TET2: variants seen among roughly 807,000 people sequenced by gnomAD.
TET2 encodes methylcytosine dioxygenase TET2.
TET2 carries 299 observed loss-of-function variants against 142.9 expected under a neutral mutation model. The observed-to-expected ratio is 2.09, with a 90% confidence interval of 1.90 to 2.30. The LOEUF is 2.30. Among genes scored for constraint, TET2 ranks in the 30% most tolerant of loss-of-function variants. TET2 has a pLI of 0.00. For synonymous variants in TET2, 819 were observed against 849.0 expected (o/e 0.96, Z 0.61); for missense variants, 2,418 against 2,378.0 (o/e 1.02, Z -0.35).
At chr4:105,272,496 TACAC>T (rs149641287) in intron 9 of TET2, 64 bp from the exon 10 acceptor site, 42 of 1,014,702 alleles carry the variant, frequency 4.1e-5, no homozygotes, top group Non-Finnish European at 5.8e-5. Context: ...AGGAGAAAGA[TACAC>T]ACACACACAC....
intron 3 of TET2, chr4:105,240,473 T>C (rs1447513864): frequency 9.3e-7 from 1 of 1,076,730 alleles, no homozygotes; most frequent in Non-Finnish European, 1.1e-6. Flanking sequence ...TCAAAGACAT[T>C]TGAAAAGACA....
At chr4:105,268,596 A>C (rs965900935) in intron 8 of TET2, among the ~76,000 whole-genome samples, 5 of 152,224 alleles carry the variant, frequency 3.3e-5, no homozygotes, top group Non-Finnish European at 5.9e-5. Flanking sequence ...ATAATATTTT[A>C]AAATAAGGGC....
At chr4:105,255,450 A>G (rs73838065) in intron 6 of TET2, among the ~76,000 whole-genome samples, 3,605 of 152,308 alleles carry the variant, frequency 0.024, 153 homozygotes, top group African/African-American at 0.083. Context: ...AAGAATGTGT[A>G]TATTCAGCTG....
rs988010895 is a variant in TET2 at position 105,275,687 on chromosome 4, C to T, written c.5177C>T (p.Thr1726Ile). The change falls in exon 11 of 11, where the codon ACT becomes ATT. Residue 1726 changes from threonine (T) to isoleucine (I), a missense_variant. Physicochemically the swap from Thr to Ile is moderately conservative, Grantham distance 89. Coordinates refer to ENST00000380013, the MANE Select transcript of TET2 (RefSeq NM_001127208.3). ...HHVGKLPPYPTHEMDGHFMGA... is the reference protein window; with the variant it reads ...HHVGKLPPYPIHEMDGHFMGA... The stretch of plus-strand genomic sequence containing the variant: ...GTAGGGAAATTGCCTCCTTATCCCA[C>T]TCATGAGATGGATGGCCACTTCATG... The T allele has an allele frequency of 1.3e-6, 2 of 1,551,874 alleles. No individual in the cohort carries two copies. Among genetic ancestry groups the T allele is most frequent in the Non-Finnish European group, 1.7e-6 (2 of 1,146,994 alleles).
Position 105,272,833 on chromosome 4 carries a change from C to T in TET2, c.4452C>T (p.Asn1484=). 1.3e-6 allele frequency: 2 copies of T among 1,551,456 alleles called. No individual in the cohort carries two copies. The highest frequency in any genetic ancestry group is 8.7e-7 in the Non-Finnish European group (1 of 1,146,922). The change falls in exon 10 of 11, where the codon AAC becomes AAT. Residue 1484 remains asparagine (N), a synonymous_variant. Transcript: ENST00000380013. ...AAAEKLSSLE[N]SSNKNEKEKS... ...CTGAAAAGCTTTCCTCCCTGGAGAA[C>T]AGCTCAAATAAAAATGAAAAGGAAA...
At chr4:105,212,155 G>A (rs945256471) in intron 2 of TET2, among the ~76,000 whole-genome samples, 3 of 152,174 alleles carry the variant, frequency 2.0e-5, no homozygotes, top group African/African-American at 7.2e-5. Context: ...CCTGAAACAT[G>A]AGAAATTCCA....
Position 105,234,582 on chromosome 4 carries a change from T to G in TET2, c.640T>G (p.Ser214Ala). The change falls in exon 3 of 11, where the codon TCT becomes GCT. Residue 214 changes from serine to alanine, a missense_variant. By Grantham distance (99) the Ser-to-Ala change is moderately conservative. Transcript: ENST00000380013. ...GCTAATGCCTAATGGTGCTACAGTT[T>G]CTGCCTCTTCCGTGGAACACACACA... ...AVLMPNGATVSASSVEHTHGE... is the reference protein window; with the variant it reads ...AVLMPNGATVAASSVEHTHGE... 6.2e-7 allele frequency: 1 copy of G among 1,614,172 alleles called. No homozygotes were observed. Among genetic ancestry groups the G allele is most frequent in the Non-Finnish European group, 8.5e-7 (1 of 1,180,020 alleles).
At chr4:105,269,512 CA>C (rs780983635) in intron 8 of TET2, 97 bp from the exon 9 acceptor site, 32 of 1,306,268 alleles carry the variant, frequency 2.4e-5, no homozygotes, top group Non-Finnish European at 3.2e-5. Context: ...AAGTTCAAAA[CA>C]TTTTTTTAAA....
rs952141389 is a variant in TET2 at position 105,235,955 on chromosome 4, T to A, written c.2013T>A (p.Ala671=). ...HFSKTDHLPK[A]HVQSLCGTRF... ...CCAAAACAGACCATTTACCAAAAGC[T>A]CATGTGCAGTCACTGTGTGGCACTA... The change falls in exon 3 of 11, where the codon GCT becomes GCA. Residue 671 remains alanine (A), a synonymous_variant. Coordinates refer to ENST00000380013, the MANE Select transcript of TET2 (RefSeq NM_001127208.3). The A allele has an allele frequency of 2.5e-6, 4 of 1,613,996 alleles. No individual in the cohort carries two copies. The Admixed American group carries it at 6.7e-5, about 27-fold the overall frequency.
At chr4:105,199,673 C>G (rs1330887789) in intron 2 of TET2, among the ~76,000 whole-genome samples, 2 of 152,088 alleles carry the variant, frequency 1.3e-5, no homozygotes, top group Non-Finnish European at 2.9e-5. Context: ...AGTTATTTTT[C>G]CTGATCCTCT....
Position 105,276,061 on chromosome 4 carries a change from G to A in TET2, c.5551G>A (p.Glu1851Lys), listed in dbSNP as rs1479422628. The change falls in exon 11 of 11, where the codon GAG becomes AAG. Residue 1851 changes from glutamate to lysine, a missense_variant. By Grantham distance (56) the Glu-to-Lys change is moderately conservative. Coordinates refer to ENST00000380013, the MANE Select transcript of TET2 (RefSeq NM_001127208.3). ...CAACGATGAGGTCTGGTCAGACAGC[G>A]AGCAGAGCTTTCTGGATCCTGACAT... Reference protein sequence around the residue: ...EDNDEVWSDSEQSFLDPDIGG... With the variant: ...EDNDEVWSDSKQSFLDPDIGG... 1.2e-5 allele frequency: 18 copies of A among 1,551,578 alleles called. No individual in the cohort carries two copies. Among genetic ancestry groups the A allele is most frequent in the Non-Finnish European group, 1.4e-5 (16 of 1,146,992 alleles).
At chr4:105,217,320 A>G (rs1305305706) in intron 2 of TET2, among the ~76,000 whole-genome samples, 1 of 152,124 alleles carries the variant, frequency 6.6e-6, no homozygotes, top group Non-Finnish European at 1.5e-5. Flanking sequence ...TTGAAGCTAA[A>G]GCAAAACTTG....
rs1224940569 is a variant in TET2, at chr4:105,275,778, T to A, written c.5268T>A (p.His1756Gln). The change falls in exon 11 of 11, where the codon CAT (histidine) becomes CAA (glutamine). Residue 1756 changes from histidine to glutamine, a missense_variant. Transcript: ENST00000380013. ...ACATGGACTATAAAAATGGTGAACA[T>A]CATTCACCTTCTCACATAATCCATA... ...NPNMDYKNGE[H>Q]HSPSHIIHNY... 6.4e-7 allele frequency: 1 copy of A among 1,551,530 alleles called. No individual in the cohort carries two copies. The highest frequency in any genetic ancestry group is 8.7e-7 in the Non-Finnish European group (1 of 1,146,996).
chr4:105,167,881 C>T (rs574758430), intron 1 of TET2, among the ~76,000 whole-genome samples: 1 of 152,110 alleles, frequency 6.6e-6, no homozygotes. Context: ...ATGTGAAACC[C>T]GTAAGGACGT....
Position 105,235,608 on chromosome 4 carries a change from A to G in TET2, c.1666A>G (p.Thr556Ala), listed in dbSNP as rs1728818841. The change falls in exon 3 of 11, where the codon ACA becomes GCA. Residue 556 changes from threonine to alanine, a missense_variant. Thr to Ala is a moderately conservative substitution (Grantham distance 58). Coordinates refer to ENST00000380013, the MANE Select transcript of TET2 (RefSeq NM_001127208.3). ...KEQTRDLVPP[T>A]QHYLKPGWIE... ...GCAAACACGAGATCTTGTGCCCCCAACACAGCACTATCTGAAACCAGGATG... is the reference window on the plus strand; with the variant it reads ...GCAAACACGAGATCTTGTGCCCCCAGCACAGCACTATCTGAAACCAGGATG... The G allele has an allele frequency of 1.9e-6, 3 of 1,614,048 alleles. No individual in the cohort carries two copies. The highest frequency in any genetic ancestry group is 2.2e-5 in the South Asian group (2 of 91,090).
chr4:105,194,514 C>G (rs556908816), intron 2 of TET2, among the ~76,000 whole-genome samples: 1 of 152,234 alleles, frequency 6.6e-6, no homozygotes, highest in East Asian at 1.9e-4. Context: ...GCTTGATTTT[C>G]CTGATCTGGC....
At chr4:105,250,376 CT>C (rs1447503165) in intron 6 of TET2, among the ~76,000 whole-genome samples, 1 of 80,324 alleles carries the variant, frequency 1.2e-5, no homozygotes, top group Non-Finnish European at 2.6e-5. Context: ...CGTTTCCTTT[CT>C]GGATTTTTTT....
intron 2 of TET2, among the ~76,000 whole-genome samples, chr4:105,206,964 C>T (rs1205656166): frequency 6.6e-6 from 1 of 152,066 alleles, no homozygotes; most frequent in African/African-American, 2.4e-5. Flanking sequence ...CAAAAATAAG[C>T]CAAGTCATAT....
At position 105,276,152 on chromosome 4, in the gene TET2, A is replaced by G. The variant is rs1417392445; in HGVS notation, c.5642A>G (p.His1881Arg). The G allele has an allele frequency of 1.3e-6, 2 of 1,551,560 alleles. No individual in the cohort carries two copies. Among genetic ancestry groups the G allele is most frequent in the Non-Finnish European group, 1.7e-6 (2 of 1,146,990 alleles). ...ILIECAKREL[H>R]ATTPLKNPNR... ...ATTGAGTGTGCAAAGCGTGAGCTGC[A>G]TGCCACAACCCCTTTAAAGAATCCC... The change falls in exon 11 of 11, where the codon CAT becomes CGT. Residue 1881 changes from histidine (H) to arginine (R), a missense_variant. Physicochemically the swap from His to Arg is conservative, Grantham distance 29 (BLOSUM62 0). Transcript: ENST00000380013.
Sources: gnomAD v4.1 joint callset for allele counts (sites outside exome capture counted in the v4.1 genomes callset) on GRCh38, gnomAD v4.1.1 for gene constraint, MANE v1.5 for transcripts, NCBI Gene and HGNC (gene_info 2026-07-23, HGNC 2026-07-21) for gene names.